The following BRSK2 variants were observed in gnomAD, a reference collection of about 807,000 sequenced individuals.
The protein encoded by BRSK2 is BR serine/threonine kinase 2, also known as serine/threonine-protein kinase BRSK2.
Under a neutral mutation model 83.3 loss-of-function variants are expected in BRSK2, and 19 were observed. The observed-to-expected ratio is 0.23, with a 90% confidence interval of 0.16 to 0.33. The LOEUF is 0.33. Ranked by LOEUF, BRSK2 falls within the 10% of genes least tolerant of loss-of-function variation. BRSK2 has a pLI of 1.00. For synonymous variants in BRSK2, 519 were observed against 435.4 expected (o/e 1.19, Z -2.39); for missense variants, 798 against 1,042.3 (o/e 0.77, Z 3.23).
At chr11:1,453,723 A>G (rs1330452313) in intron 15 of BRSK2, 1 of 101,628 alleles carries the variant, frequency 9.8e-6, no homozygotes, top group Non-Finnish European at 2.4e-5. Context: ...GGGAGAGGGC[A>G]CCACTGAGCC....
Position 1,461,111 on chromosome 11 carries a change from G to A in BRSK2, c.*388G>A, listed in dbSNP as rs1330024081. On this transcript the variant is annotated 3_prime_UTR_variant, in exon 20 of 20. Coordinates refer to ENST00000528841, the MANE Select transcript of BRSK2 (RefSeq NM_001256627.2). The stretch of plus-strand genomic sequence containing the variant: ...CAGCCCAGCGCCCCGTCCACCCCGC[G>A]GCAGCTCCTCGCCTCAGCTCCGCAC... The A allele has an allele frequency of 8.3e-6, 12 of 1,441,704 alleles. No homozygotes were observed. The highest frequency in any genetic ancestry group is 7.3e-5 in the East Asian group (3 of 41,216). The allele number at this position is 1,441,704 out of a possible 1,614,324, so 89.3% of individuals were successfully genotyped here.
rs920124156 is a variant in BRSK2 at position 1,443,702 on chromosome 11, G to A, written c.780+67G>A. On this transcript the variant is annotated intron_variant, in intron 8 of 19. Transcript: ENST00000528841. Reference sequence around the variant, plus strand: ...GGGGCGCGGGGGCGGGCGTGTGCCTGTGTGTGCACAGGTGTGTGCCCAGAC... The same window carrying A: ...GGGGCGCGGGGGCGGGCGTGTGCCTATGTGTGCACAGGTGTGTGCCCAGAC... 12 of 1,389,376 alleles carry A rather than the reference G, an allele frequency of 8.6e-6. No homozygotes were observed. In the African/African-American group the frequency reaches 8.7e-5, roughly 10 times the overall value. The allele number at this position is 1,389,376 out of a possible 1,614,324, so 86.1% of individuals were successfully genotyped here.
chr11:1,446,046 A>AGCTGG (rs55914513), intron 12 of BRSK2, 139 bp downstream of exon 12: 432 of 940,734 alleles, frequency 4.6e-4, no homozygotes, highest in Middle Eastern at 1.1e-3. Flanking sequence ...AACTGGGCTT[A>AGCTGG]GCTGGGCTGG....
At position 1,390,486 on chromosome 11, in the gene BRSK2, C is replaced by A. The variant is rs954499929; in HGVS notation, c.91+111C>A. On this transcript the variant is annotated intron_variant, in intron 1 of 19. Coordinates refer to ENST00000528841, the MANE Select transcript of BRSK2 (RefSeq NM_001256627.2). The surrounding 1 kb of genome is among the most constrained non-coding windows in gnomAD (Gnocchi z 6.8). ...CGCGAAGCCGCAGGCCCGGCCCGGG[C>A]CCCGGCCGCGAACAATGGGCGGCCC... is the stretch of plus-strand genomic sequence containing the variant. 57 of 510,686 alleles carry A rather than the reference C, an allele frequency of 1.1e-4. No individual in the cohort carries two copies. Among genetic ancestry groups the A allele is most frequent in the Admixed American group, 1.1e-3 (16 of 15,222 alleles). 31.6% of individuals were successfully genotyped at this position (510,686 alleles called of 1,614,324 possible). A position where few individuals can be genotyped will look rare whatever the true frequency, so the allele number is the denominator to read the frequency against.
chr11:1,444,084 TGCACAGGTGTGGGGG>T (rs542369297), intron 8 of BRSK2, among the ~76,000 whole-genome samples: 2 of 152,144 alleles, frequency 1.3e-5, no homozygotes, highest in African/African-American at 4.8e-5. Context: ...GTGTGGGGTG[TGCACAGGTGTGGGGG>T]GCTGTGTGCA....
chr11:1,394,355 TCCTGGAGATGGGC>T lies in BRSK2; in HGVS notation c.91+3982_91+3994del, dbSNP rs1481021089. Among the ~76,000 whole-genome samples the T allele has an allele frequency of 2.5e-3, 144 of 57,958 alleles. 7 individuals are homozygous for T. Among genetic ancestry groups the T allele is most frequent in the African/African-American group, 0.011 (128 of 11,496 alleles). The allele number at this position is 57,958 out of a possible 152,430, so 38.0% of individuals were successfully genotyped here. ...CATGGAGATGGGTCCTGGAGATGGG[TCCTGGAGATGGGC>T]CATGGAGATGGGCCATGGAGATGGG... On this transcript the variant is annotated intron_variant, in intron 1 of 19. Transcript: ENST00000528841.
At chr11:1,448,297 G>T (rs894826021) in intron 12 of BRSK2, among the ~76,000 whole-genome samples, 1 of 152,168 alleles carries the variant, frequency 6.6e-6, no homozygotes, top group Non-Finnish European at 1.5e-5. Flanking sequence ...CTCTACCTGG[G>T]GCCAGTTTTG....
chr11:1,411,384 G>C, intron 1 of BRSK2: 1 of 1,456,366 alleles, frequency 6.9e-7, no homozygotes, highest in Non-Finnish European at 9.0e-7. Context: ...AGGGAGCCTG[G>C]TAGGGCACCA....
Position 1,460,754 on chromosome 11 carries a change from T to C in BRSK2, c.*31T>C, listed in dbSNP as rs1590742344. The C allele has an allele frequency of 5.4e-6, 6 of 1,113,024 alleles. No homozygotes were observed. Among genetic ancestry groups the C allele is most frequent in the Non-Finnish European group, 7.0e-6 (6 of 860,630 alleles). 68.9% of individuals were successfully genotyped at this position (1,113,024 alleles called of 1,614,324 possible). Reference sequence around the variant, plus strand: ...CTAGCCCCCCCCCCCAGCACAGCACTGACAGCGGCTGCCTCGCCGCCCGCC... The same window carrying C: ...CTAGCCCCCCCCCCCAGCACAGCACCGACAGCGGCTGCCTCGCCGCCCGCC... On this transcript the variant is annotated 3_prime_UTR_variant, in exon 20 of 20. Coordinates refer to ENST00000528841, the MANE Select transcript of BRSK2 (RefSeq NM_001256627.2).
At chr11:1,446,107 G>C (rs1415249203) in intron 12 of BRSK2, among the ~76,000 whole-genome samples, 200 bp downstream of exon 12, 2 of 150,112 alleles carry the variant, frequency 1.3e-5, no homozygotes, top group African/African-American at 2.5e-5. Context: ...GCTGGGCTGG[G>C]CTGGGAGCTG....
intron 1 of BRSK2, among the ~76,000 whole-genome samples, chr11:1,404,708 G>A (rs1436384837): frequency 2.0e-5 from 3 of 152,178 alleles, no homozygotes; most frequent in Non-Finnish European, 4.4e-5. Context: ...CAACGGGCGT[G>A]GGCTTGCAGC....
chr11:1,425,610 G>C (rs1849124027), intron 1 of BRSK2, among the ~76,000 whole-genome samples: 1 of 152,276 alleles, frequency 6.6e-6, no homozygotes, highest in African/African-American at 2.4e-5. Flanking sequence ...GCCACGGGAG[G>C]CTCTTCACCT....
chr11:1,445,972 G>A, intron 12 of BRSK2, 65 bp downstream of exon 12: 1 of 1,523,680 alleles, frequency 6.6e-7, no homozygotes, highest in Non-Finnish European at 8.8e-7. Context: ...ACTGCCGCCT[G>A]GCTCATCGCT....
At chr11:1,456,559 C>T in intron 17 of BRSK2, 31 bp downstream of exon 17, 1 of 1,604,314 alleles carries the variant, frequency 6.2e-7, no homozygotes. Context: ...CGGCTCCGGG[C>T]CCAGGCCCGT....
intron 1 of BRSK2, among the ~76,000 whole-genome samples, chr11:1,417,950 G>A (rs1476855303): frequency 6.7e-6 from 1 of 150,308 alleles, no homozygotes; most frequent in Admixed American, 6.6e-5. Flanking sequence ...CTTGAGAGTG[G>A]TTCTCCTGTG....
At chr11:1,444,836 T>G in intron 8 of BRSK2, 135 bp from the exon 9 acceptor site, 1 of 629,462 alleles carries the variant, frequency 1.6e-6, no homozygotes, top group Non-Finnish European at 2.8e-6. Context: ...CCTCCCCACC[T>G]TCCCCCCACT....
Position 1,405,884 on chromosome 11 carries a change from G to A in BRSK2, c.91+15509G>A, listed in dbSNP as rs1053486458. On this transcript the variant is annotated intron_variant, in intron 1 of 19. Transcript: ENST00000528841. ...CCCCGCAGGCCCCACACCCCTTGCC[G>A]AGTGATTGGCCCAGCCCCAGGCGCC... Among the ~76,000 whole-genome samples the A allele has an allele frequency of 2.6e-4, 39 of 151,826 alleles. No individual in the cohort carries two copies. In the Middle Eastern group the frequency reaches 0.01, roughly 40 times the overall value.
chr11:1,460,503 GC>G lies in BRSK2; in HGVS notation c.1994del (p.Pro665HisfsTer2). 1 of 1,318,374 alleles carries G rather than the reference GC, an allele frequency of 7.6e-7. No homozygotes were observed. The highest frequency in any genetic ancestry group is 9.8e-7 in the Non-Finnish European group (1 of 1,017,022). The allele number at this position is 1,318,374 out of a possible 1,614,324, so 81.7% of individuals were successfully genotyped here. ...TGTCTCTGTTCTGTGTACCCAGGCA[GC>G]CCATTGAGTAACTTCTTTGACGTAA... The part of the protein sequence containing the change: ...MMTGRLSKCG[S>X]PLSNFFDVIK... On this transcript the variant is annotated frameshift_variant, in exon 20 of 20. Transcript: ENST00000528841. LOFTEE classifies it high-confidence loss of function.
chr11:1,428,305 G>T (rs1411227719), intron 1 of BRSK2, among the ~76,000 whole-genome samples: 1 of 152,214 alleles, frequency 6.6e-6, no homozygotes, highest in Non-Finnish European at 1.5e-5. Flanking sequence ...CAGCCTCAAG[G>T]ACGTGGGCAG....
Sources: allele counts gnomAD v4.1 joint callset (sites outside exome capture counted in the v4.1 genomes callset), GRCh38; gene constraint gnomAD v4.1.1; non-coding constraint Gnocchi (gnomAD v3.1); transcripts MANE v1.5; gene names NCBI Gene and HGNC (gene_info 2026-07-23, HGNC 2026-07-21).